The following DPF3 variants were observed in gnomAD, a reference collection of about 807,000 sequenced individuals.
DPF3 encodes zinc finger protein DPF3.
A neutral mutation model predicts 56.8 loss-of-function variants in DPF3; 18 were observed. The observed-to-expected ratio is 0.32, with a 90% confidence interval of 0.22 to 0.47. The LOEUF (loss-of-function observed/expected upper bound fraction) is 0.47. Among genes scored for constraint, DPF3 ranks in the 20% least tolerant of loss-of-function variants. The pLI, the probability that DPF3 is intolerant of heterozygous loss-of-function variation, is 1.00. For synonymous variants in DPF3, 188 were observed against 180.2 expected (o/e 1.04, Z -0.35); for missense variants, 403 against 488.8 (o/e 0.82, Z 1.65).
intron 1 of DPF3, among the ~76,000 whole-genome samples, chr14:72,891,019 T>C (rs968284052): frequency 1.3e-5 from 2 of 152,086 alleles, no homozygotes; most frequent in African/African-American, 4.8e-5. Context: ...GCCAAATTGC[T>C]AAGAGAGGAG....
rs376226696 is a variant in DPF3, at chr14:72,849,487, G to A, written c.32+44570C>T. On this transcript the variant is annotated intron_variant, in intron 1 of 10. Transcript: ENST00000556509. ...ATCTTGGACAGCATCCCCCGGGGCC[G>A]CCTTCCTGCCTGTCTTTGTGTACAA... Among the ~76,000 whole-genome samples the A allele has an allele frequency of 3.2e-4, 48 of 152,254 alleles. 2 individuals carry two copies. The South Asian group carries it at 9.5e-3, about 30-fold the overall frequency.
chr14:72,771,935 T>A (rs765896707), intron 1 of DPF3, 42 bp from the exon 2 acceptor site: 1 of 1,458,062 alleles, frequency 6.9e-7, no homozygotes, highest in Non-Finnish European at 9.0e-7. Context: ...CAGGGAAGAC[T>A]GAAACACACC....
chr14:72,756,869 A>AAAGGAAGGAAGGAAGG lies in DPF3; in HGVS notation c.194-3499_194-3498insCCTTCCTTCCTTCCTT, dbSNP rs1272768857. On this transcript the variant is annotated intron_variant, in intron 2 of 10. Coordinates refer to ENST00000556509, the MANE Select transcript of DPF3 (RefSeq NM_001280542.3). The stretch of plus-strand genomic sequence containing the variant: ...GAAAGAAAGAAAGAAAGAAAGAAAG[A>AAAGGAAGGAAGGAAGG]AAGGAAGGAAAGAAGGAAAGAAAGA... Among the ~76,000 whole-genome samples, 37 of 95,686 alleles carry AAAGGAAGGAAGGAAGG rather than the reference A, an allele frequency of 3.9e-4. 1 individual carries two copies. Among genetic ancestry groups the AAAGGAAGGAAGGAAGG allele is most frequent in the African/African-American group, 1.5e-3 (35 of 23,352 alleles). 62.8% of individuals were successfully genotyped at this position (95,686 alleles called of 152,430 possible).
intron 1 of DPF3, among the ~76,000 whole-genome samples, chr14:72,792,869 C>A (rs1266442482): frequency 6.6e-6 from 1 of 151,690 alleles, no homozygotes; most frequent in Non-Finnish European, 1.5e-5. Context: ...ATGGCTCCCA[C>A]AACATTTTAT....
At chr14:72,654,182 T>C (rs1886000634) in intron 8 of DPF3, among the ~76,000 whole-genome samples, 1 of 152,190 alleles carries the variant, frequency 6.6e-6, no homozygotes, top group Non-Finnish European at 1.5e-5. Context: ...AACATACCTG[T>C]GACTCCCCCC....
chr14:72,668,890 G>A (rs1886546775), intron 8 of DPF3, among the ~76,000 whole-genome samples: 1 of 152,202 alleles, frequency 6.6e-6, no homozygotes, highest in African/African-American at 2.4e-5. Context: ...GAAAATGACA[G>A]CAAGTGTACA....
intron 2 of DPF3, among the ~76,000 whole-genome samples, chr14:72,758,367 G>C (rs1456134904): frequency 6.6e-6 from 1 of 152,158 alleles, no homozygotes; most frequent in African/African-American, 2.4e-5. Context: ...CTCCAGACTG[G>C]AACACAAGGA....
At position 72,724,990 on chromosome 14, in the gene DPF3, C is replaced by T. The variant is rs114349383; in HGVS notation, c.430-1262G>A. Among the ~76,000 whole-genome samples, 723 of 152,188 alleles carry T rather than the reference C, an allele frequency of 4.8e-3. 5 individuals carry two copies. The highest frequency in any genetic ancestry group is 0.016 in the African/African-American group (675 of 41,508). On this transcript the variant is annotated intron_variant, in intron 4 of 10. Coordinates refer to ENST00000556509, the MANE Select transcript of DPF3 (RefSeq NM_001280542.3). ...CAAAGTGCTAGGATTACAGGCATAC[C>T]ATGCAGATGAGCTACCACACCTGGC...
chr14:72,856,092 C>CT (rs1336771223), intron 1 of DPF3, among the ~76,000 whole-genome samples: 1 of 152,210 alleles, frequency 6.6e-6, no homozygotes. Context: ...TTTCCCAGAG[C>CT]TGTTTCATGC....
At chr14:72,885,234 G>T (rs983795556) in intron 1 of DPF3, among the ~76,000 whole-genome samples, 6 of 151,452 alleles carry the variant, frequency 4.0e-5, no homozygotes, top group East Asian at 2.0e-4. Context: ...ATCCCAGAAC[G>T]CAATGGACTA....
chr14:72,732,847 C>A (rs907566726), intron 3 of DPF3, among the ~76,000 whole-genome samples: 10 of 152,060 alleles, frequency 6.6e-5, no homozygotes, highest in African/African-American at 2.4e-4. Flanking sequence ...TCCTTTCCCT[C>A]CCTCCCTCCT....
chr14:72,734,195 A>G (rs1181429650), intron 3 of DPF3, among the ~76,000 whole-genome samples: 1 of 152,214 alleles, frequency 6.6e-6, no homozygotes, highest in African/African-American at 2.4e-5. Context: ...CAAAATACAA[A>G]ATCAAAATGC....
chr14:72,647,717 G>C (rs1048372459), intron 8 of DPF3, among the ~76,000 whole-genome samples: 3 of 152,116 alleles, frequency 2.0e-5, no homozygotes, highest in Admixed American at 1.3e-4. Flanking sequence ...ATGATGACTG[G>C]ATTCAACAGC....
chr14:72,700,440 G>A (rs757809975), intron 6 of DPF3, among the ~76,000 whole-genome samples: 2 of 151,802 alleles, frequency 1.3e-5, no homozygotes, highest in African/African-American at 2.4e-5. Context: ...GTTCAGAGTG[G>A]AGATCTGAGA....
At chr14:72,748,969 T>TGAA (rs1890439951) in intron 3 of DPF3, among the ~76,000 whole-genome samples, 1 of 152,220 alleles carries the variant, frequency 6.6e-6, no homozygotes, top group Non-Finnish European at 1.5e-5. Flanking sequence ...AAGGGAAATG[T>TGAA]CGGGTGGGAG....
At chr14:72,659,680 G>A (rs767543642) in intron 8 of DPF3, among the ~76,000 whole-genome samples, 25 of 152,160 alleles carry the variant, frequency 1.6e-4, no homozygotes, top group African/African-American at 3.6e-4. Context: ...GGGTGCAATC[G>A]CTTCCCATGG....
chr14:72,692,513 A>C (rs960024036), intron 7 of DPF3, among the ~76,000 whole-genome samples: 1 of 152,172 alleles, frequency 6.6e-6, no homozygotes, highest in African/African-American at 2.4e-5. Flanking sequence ...CCAAACGACA[A>C]ATCCACCCAG....
At chr14:72,765,891 G>A (rs967905800) in intron 2 of DPF3, among the ~76,000 whole-genome samples, 8 of 152,114 alleles carry the variant, frequency 5.3e-5, no homozygotes, top group African/African-American at 1.9e-4. Context: ...TCCAGCCTGG[G>A]CAACAAGGCG....
chr14:72,819,797 G>T (rs1883451338), intron 1 of DPF3, among the ~76,000 whole-genome samples: 1 of 152,124 alleles, frequency 6.6e-6, no homozygotes, highest in Non-Finnish European at 1.5e-5. Flanking sequence ...ATTTAGCCAG[G>T]TGTGGTGATA....
Sources: allele counts gnomAD v4.1 joint callset (sites outside exome capture counted in the v4.1 genomes callset), GRCh38; gene constraint gnomAD v4.1.1; transcripts MANE v1.5; gene names NCBI Gene and HGNC (gene_info 2026-07-23, HGNC 2026-07-21).